QTMAN: variants seen among roughly 807,000 people sequenced by gnomAD.
The protein encoded by QTMAN is tRNA-queuosine alpha-mannosyltransferase.
At chr2:144,151,640 C>T in the QTMAN span, among the ~76,000 whole-genome samples, 1 of 152,030 alleles carries the variant, frequency 6.6e-6, no homozygotes, top group Non-Finnish European at 1.5e-5. Context: ...TGCTTTCTTC[C>T]CTTTATCACT....
chr2:144,298,606 C>T, the QTMAN span, among the ~76,000 whole-genome samples: 1 of 152,170 alleles, frequency 6.6e-6, no homozygotes, highest in African/African-American at 2.4e-5. Context: ...CTGCCCAGCA[C>T]CAGCCACTGT....
chr2:144,258,837 T>A, the QTMAN span, among the ~76,000 whole-genome samples: 1 of 152,154 alleles, frequency 6.6e-6, no homozygotes, highest in Admixed American at 6.5e-5. Flanking sequence ...AGGATGGACA[T>A]AGAATAGCTT....
the QTMAN span, among the ~76,000 whole-genome samples, chr2:144,222,643 A>G: frequency 6.6e-6 from 1 of 151,732 alleles, no homozygotes; most frequent in African/African-American, 2.4e-5. Flanking sequence ...CGTCCCTACT[A>G]AAAATACAAA....
At chr2:144,077,442 C>T in the QTMAN span, among the ~76,000 whole-genome samples, 1 of 152,220 alleles carries the variant, frequency 6.6e-6, no homozygotes, top group Non-Finnish European at 1.5e-5. Flanking sequence ...CTACTAGCCA[C>T]TTAGCATCCA....
At chr2:143,946,034 T>C in the QTMAN span, 1 of 152,212 alleles carries the variant, frequency 6.6e-6, no homozygotes, top group Non-Finnish European at 1.5e-5. Flanking sequence ...CAGTGGGTAC[T>C]TTATTAAGAA....
At chr2:143,999,444 A>G in the QTMAN span, among the ~76,000 whole-genome samples, 1 of 152,100 alleles carries the variant, frequency 6.6e-6, no homozygotes, top group Admixed American at 6.6e-5. Flanking sequence ...AGTAGAAAGG[A>G]GTAGGCTAAT....
At chr2:143,983,558 C>T in the QTMAN span, among the ~76,000 whole-genome samples, 834 of 142,292 alleles carry the variant, frequency 5.9e-3, 6 homozygotes, top group African/African-American at 0.02. Flanking sequence ...CTGCAAGCTT[C>T]GCCTCCCGGG....
At chr2:144,007,098 G>A in the QTMAN span, 3 of 830,798 alleles carry the variant, frequency 3.6e-6, no homozygotes, top group Admixed American at 8.4e-5. Context: ...GCAATAAGAA[G>A]AACAAATTAT....
chr2:144,122,079 A>G, the QTMAN span, among the ~76,000 whole-genome samples: 1 of 152,196 alleles, frequency 6.6e-6, no homozygotes, highest in African/African-American at 2.4e-5. Context: ...TGAAAATAGT[A>G]GAGGAACCAA....
At chr2:144,079,727 T>C in the QTMAN span, among the ~76,000 whole-genome samples, 7 of 152,016 alleles carry the variant, frequency 4.6e-5, no homozygotes, top group Non-Finnish European at 8.8e-5. Flanking sequence ...AAAAAATGAA[T>C]CAAGTTCATT....
At chr2:144,332,801 A>C in the QTMAN span, among the ~76,000 whole-genome samples, 1 of 151,760 alleles carries the variant, frequency 6.6e-6, no homozygotes, top group Non-Finnish European at 1.5e-5. Flanking sequence ...CCATCTCGTC[A>C]GCACCCTGTC....
chr2:144,239,403 G>C, the QTMAN span, among the ~76,000 whole-genome samples: 3 of 152,046 alleles, frequency 2.0e-5, no homozygotes, highest in Non-Finnish European at 2.9e-5. Context: ...GCCAACCTAA[G>C]CTAGCATCCG....
At chr2:144,133,451 T>A in the QTMAN span, among the ~76,000 whole-genome samples, 4 of 47,192 alleles carry the variant, frequency 8.5e-5, no homozygotes, top group Admixed American at 3.6e-4. Flanking sequence ...TAATATATAA[T>A]ATATAATATA....
At chr2:144,194,031 C>G in the QTMAN span, among the ~76,000 whole-genome samples, 2 of 152,098 alleles carry the variant, frequency 1.3e-5, no homozygotes, top group African/African-American at 2.4e-5. Context: ...TTAAGCACTA[C>G]GTTTTTTAAA....
At chr2:143,996,805 C>T in the QTMAN span, among the ~76,000 whole-genome samples, 4 of 151,996 alleles carry the variant, frequency 2.6e-5, no homozygotes, top group South Asian at 2.1e-4. Flanking sequence ...ACATATACAC[C>T]GAACCACTAA....
At chr2:144,042,421 CA>C in the QTMAN span, among the ~76,000 whole-genome samples, 1 of 151,832 alleles carries the variant, frequency 6.6e-6, no homozygotes, top group South Asian at 2.1e-4. Context: ...ATGACAAAAG[CA>C]GAGATAAGAA....
the QTMAN span, among the ~76,000 whole-genome samples, chr2:144,016,272 T>G: frequency 3.3e-5 from 5 of 152,350 alleles, no homozygotes; most frequent in South Asian, 8.3e-4. Context: ...CTGTGTTTAC[T>G]AAAGTATGTT....
At chr2:144,275,654 T>C in the QTMAN span, among the ~76,000 whole-genome samples, 10 of 152,256 alleles carry the variant, frequency 6.6e-5, no homozygotes, top group Admixed American at 2.0e-4. Context: ...CATTCCCAAC[T>C]CTGCCTACTG....
At chr2:144,215,764 T>C in the QTMAN span, among the ~76,000 whole-genome samples, 1 of 152,226 alleles carries the variant, frequency 6.6e-6, no homozygotes. Context: ...AGTTTTGCAC[T>C]GGAATATCAT....
Sources: gnomAD v4.1 joint callset for allele counts (sites outside exome capture counted in the v4.1 genomes callset) on GRCh38, gnomAD v4.1.1 for gene constraint, MANE v1.5 for transcripts, NCBI Gene and HGNC (gene_info 2026-07-23, HGNC 2026-07-21) for gene names.